BDP1: variants seen among roughly 807,000 people sequenced by gnomAD.
BDP1 encodes BDP1 general transcription factor IIIB subunit.
A neutral mutation model predicts 266.6 loss-of-function variants in BDP1; 169 were observed. The observed-to-expected ratio is 0.63, with a 90% CI of 0.56 to 0.72. The LOEUF (loss-of-function observed/expected upper bound fraction) is 0.72. Ranked by LOEUF, BDP1 falls within the 30% of genes least tolerant of loss-of-function variation. The probability of loss-of-function intolerance (pLI) is 0.00; values close to 1 mark genes in which losing one functional copy is unlikely to be tolerated. For missense variants in BDP1, 3,015 were observed against 3,053.8 expected, an observed-to-expected ratio of 0.99 and a Z score of 0.30; for synonymous variants, 1,090 against 1,022.4, an observed-to-expected ratio of 1.07 and a Z score of -1.26.
chr5:71,538,448 C>T (rs1172974003), intron 26 of BDP1, among the ~76,000 whole-genome samples: 8 of 152,110 alleles, frequency 5.3e-5, no homozygotes, highest in Admixed American at 5.2e-4. Context: ...AGACTCTCAC[C>T]TTTGTTAGCA....
At chr5:71,572,875 C>T in the BDP1 span, among the ~76,000 whole-genome samples, 3 of 152,152 alleles carry the variant, frequency 2.0e-5, no homozygotes, top group East Asian at 5.8e-4. Context: ...TTCTGTGGGA[C>T]AGCAGGCTGA....
At chr5:71,482,298 C>G (rs1222250427) in intron 7 of BDP1, among the ~76,000 whole-genome samples, 1 of 152,196 alleles carries the variant, frequency 6.6e-6, no homozygotes, top group Non-Finnish European at 1.5e-5. Context: ...CTTCACCTCC[C>G]TTTCCTTGGT....
At chr5:71,468,023 T>G (rs13160627) in intron 6 of BDP1, among the ~76,000 whole-genome samples, 14 of 151,978 alleles carry the variant, frequency 9.2e-5, no homozygotes, top group Non-Finnish European at 1.6e-4. Flanking sequence ...TGAAAAAAAT[T>G]TTTTTATTTT....
chr5:71,478,845 A>G (rs1231887635), intron 7 of BDP1, among the ~76,000 whole-genome samples: 4 of 152,124 alleles, frequency 2.6e-5, no homozygotes, highest in Admixed American at 1.3e-4. Context: ...GTGACGTTCT[A>G]CAGGTTACCA....
At chr5:71,557,218 C>T (rs899083590) in intron 36 of BDP1, among the ~76,000 whole-genome samples, 20 of 151,864 alleles carry the variant, frequency 1.3e-4, no homozygotes, top group Admixed American at 9.2e-4. Context: ...TTTTCTCCCC[C>T]GCCCCGCCAA....
rs201983414 is a variant in BDP1 at position 71,539,126 on chromosome 5, T to A, written c.5929+48T>A. On this transcript the variant is annotated intron_variant, in intron 27 of 38. Coordinates refer to ENST00000358731, the MANE Select transcript of BDP1 (RefSeq NM_018429.3). ...CTAAGACTACCTTGATTAACACTAG[T>A]ACAGTGATTTAATAGTGGGGATAAT... The A allele has an allele frequency of 4.7e-4, 592 of 1,270,742 alleles. 1 individual carries two copies. In the African/African-American group the frequency reaches 8.0e-3, roughly 17 times the overall value. 78.7% of individuals were successfully genotyped at this position (1,270,742 alleles called of 1,614,324 possible).
intron 16 of BDP1, among the ~76,000 whole-genome samples, chr5:71,505,382 T>G (rs1302922222): frequency 1.3e-5 from 2 of 152,228 alleles, no homozygotes; most frequent in Non-Finnish European, 2.9e-5. Context: ...TTTAAAATAT[T>G]TGTTTCTTTG....
intron 22 of BDP1, among the ~76,000 whole-genome samples, chr5:71,520,911 G>A (rs1255985959): frequency 6.6e-6 from 1 of 152,058 alleles, no homozygotes; most frequent in Admixed American, 6.6e-5. Context: ...ATTGAAGGCC[G>A]GGCATGGTGG....
chr5:71,464,638 C>G (rs2150353680), intron 4 of BDP1, among the ~76,000 whole-genome samples: 1 of 151,294 alleles, frequency 6.6e-6, no homozygotes, highest in Admixed American at 6.6e-5. Context: ...ACCTCCTGGG[C>G]TCGTGATCCT....
intron 35 of BDP1, among the ~76,000 whole-genome samples, chr5:71,555,737 G>A (rs1001641174): frequency 6.6e-6 from 1 of 152,060 alleles, no homozygotes; most frequent in African/African-American, 2.4e-5. Context: ...CACCACGCCC[G>A]GCCGAATTTT....
At chr5:71,491,176 C>G in intron 11 of BDP1, 45 bp downstream of exon 11, 1 of 1,567,274 alleles carries the variant, frequency 6.4e-7, no homozygotes, top group African/African-American at 1.4e-5. Context: ...CTGTTGATTA[C>G]TGAGAAAGGA....
In BDP1 at chr5:71,518,835, C is replaced by CTT. The variant is rs35834219; in HGVS notation, c.4991+1400_4991+1401dup. On this transcript the variant is annotated intron_variant, in intron 22 of 38. Coordinates refer to ENST00000358731, the MANE Select transcript of BDP1 (RefSeq NM_018429.3). ...GAAGTTTTTATTTTAGTATGGATTA[C>CTT]TTTTTTTTTTTTTTTTTTGGAGACA... Among the ~76,000 whole-genome samples, 271 of 128,576 alleles carry CTT rather than the reference C, an allele frequency of 2.1e-3. 1 individual carries two copies. Among genetic ancestry groups the CTT allele is most frequent in the South Asian group, 5.5e-3 (22 of 3,994 alleles). The allele number at this position is 128,576 out of a possible 152,430, so 84.4% of individuals were successfully genotyped here.
chr5:71,489,482 C>G lies in BDP1; in HGVS notation c.1292C>G (p.Ser431Cys), dbSNP rs778911190. The G allele has an allele frequency of 5.6e-6, 9 of 1,613,856 alleles. No individual in the cohort carries two copies. Among genetic ancestry groups the G allele is most frequent in the Non-Finnish European group, 7.6e-6 (9 of 1,179,920 alleles). ...TCTAGAATTTCAGACACGGAAAGAT[C>G]TCAGAAGGATGCTCAGACAGTTGAA... ...MSSRISDTER[S>C]QKDAQTVEEE... The change falls in exon 10 of 39, where the codon TCT (serine) becomes TGT (cysteine). Residue 431 changes from serine (S) to cysteine (C), a missense_variant. By Grantham distance (112) the Ser-to-Cys change is moderately radical (BLOSUM62 -1). Transcript: ENST00000358731.
At chr5:71,467,117 A>G (rs1335607167) in intron 5 of BDP1, among the ~76,000 whole-genome samples, 2 of 152,200 alleles carry the variant, frequency 1.3e-5, no homozygotes, top group Admixed American at 6.5e-5. Flanking sequence ...TGTTTTGTAA[A>G]TATTATATTG....
chr5:71,576,398 C>T, the BDP1 span, among the ~76,000 whole-genome samples: 2 of 152,246 alleles, frequency 1.3e-5, no homozygotes, highest in Admixed American at 1.3e-4. Flanking sequence ...AAAGACATCA[C>T]TCAGCCATAG....
In BDP1 at chr5:71,564,901, T is replaced by C. The variant is rs1177299432; in HGVS notation, c.*16T>C. ...AACAGAATAAAACAATCTTTTCTCT[T>C]TTTCTTTTTTAAATTAGGTCTAGGA... On this transcript the variant is annotated 3_prime_UTR_variant, in exon 39 of 39. Coordinates refer to ENST00000358731, the MANE Select transcript of BDP1 (RefSeq NM_018429.3). 5 of 1,575,432 alleles carry C rather than the reference T, an allele frequency of 3.2e-6. No individual in the cohort carries two copies. The Admixed American group carries it at 6.0e-5, about 19-fold the overall frequency.
At chr5:71,458,887 C>G in intron 2 of BDP1, 32 bp downstream of exon 2, 2 of 1,578,602 alleles carry the variant, frequency 1.3e-6, no homozygotes, top group Non-Finnish European at 1.7e-6. Flanking sequence ...TTTGATGTTG[C>G]CTTCTATTTA....
rs551870738 is a variant in BDP1, at chr5:71,474,106, A to C, written c.1014+3617A>C. 9.4e-4 allele frequency among the ~76,000 whole-genome samples: 142 copies of C among 151,622 alleles called. 1 individual carries two copies. Among genetic ancestry groups the C allele is most frequent in the African/African-American group, 2.8e-3 (117 of 41,306 alleles). On this transcript the variant is annotated intron_variant, in intron 7 of 38. Coordinates refer to ENST00000358731, the MANE Select transcript of BDP1 (RefSeq NM_018429.3). ...GCCATTCTCCTGCCTCAGCCTCCCG[A>C]GTAGCTGGGACTACAGGCGCCCACC...
Position 71,512,234 on chromosome 5 carries a change from CCT to C in BDP1, c.4060-4_4060-3del. 7.1e-7 allele frequency: 1 copy of C among 1,415,500 alleles called. No individual in the cohort carries two copies. Among genetic ancestry groups the C allele is most frequent in the Non-Finnish European group, 9.3e-7 (1 of 1,073,478 alleles). The allele number at this position is 1,415,500 out of a possible 1,614,324, so 87.7% of individuals were successfully genotyped here. ...TTTGTGCTGATTTACTATGACTGTT[CCT>C]CTAGAACATTAGCAGTGAAGTACTG... On this transcript the variant is annotated splice_polypyrimidine_tract_variant and splice_region_variant and intron_variant, in intron 17 of 38. Coordinates refer to ENST00000358731, the MANE Select transcript of BDP1 (RefSeq NM_018429.3).
Sources: allele counts gnomAD v4.1 joint callset (sites outside exome capture counted in the v4.1 genomes callset), GRCh38; gene constraint gnomAD v4.1.1; transcripts MANE v1.5; gene names NCBI Gene and HGNC (gene_info 2026-07-23, HGNC 2026-07-21).